PDCD11: variants seen among roughly 807,000 people sequenced by gnomAD.
PDCD11 encodes the protein programmed cell death 11, also known as protein RRP5 homolog.
Under a neutral mutation model 198.9 loss-of-function variants are expected in PDCD11, and 97 were observed. That is an observed-to-expected ratio of 0.49 (90% confidence interval 0.41 to 0.58). The LOEUF is 0.58. Among genes scored for constraint, PDCD11 ranks in the 20% least tolerant of loss-of-function variants. PDCD11 has a pLI of 0.00. For missense variants in PDCD11, 2,102 were observed against 2,312.7 expected (o/e 0.91, Z 1.87); for synonymous variants, 893 against 918.0 (o/e 0.97, Z 0.49).
At chr10:103,403,020 C>A in intron 3 of PDCD11, 98 bp from the exon 4 acceptor site, 1 of 1,158,754 alleles carries the variant, frequency 8.6e-7, no homozygotes, top group Non-Finnish European at 1.3e-6. Context: ...CTGTGCTTGG[C>A]CTTATAGCTT....
In PDCD11 at chr10:103,430,045, C is replaced by T. The variant is rs9420892; in HGVS notation, c.3369-2084C>T. On this transcript the variant is annotated intron_variant, in intron 21 of 35. Transcript: ENST00000369797. Reference sequence around the variant, plus strand: ...TTGCTCTGTCACCCAGGCTGGAGTGCAGTGGCGTGATCATGGCTGACTACA... The same window carrying T: ...TTGCTCTGTCACCCAGGCTGGAGTGTAGTGGCGTGATCATGGCTGACTACA... 1.8e-3 allele frequency among the ~76,000 whole-genome samples: 268 copies of T among 152,234 alleles called. 1 individual carries two copies. The highest frequency in any genetic ancestry group is 6.1e-3 in the African/African-American group (253 of 41,550).
chr10:103,445,550 T>C lies in PDCD11; in HGVS notation c.*1T>C, dbSNP rs775269917. On this transcript the variant is annotated 3_prime_UTR_variant, in exon 36 of 36. Transcript: ENST00000369797. ...CAAGAGCTCAGTGCTAGAGGACTAGTGGCAGGCTGGCTCTGTGGGACACTG... is the reference window on the plus strand; with the variant it reads ...CAAGAGCTCAGTGCTAGAGGACTAGCGGCAGGCTGGCTCTGTGGGACACTG... 6.2e-7 allele frequency: 1 copy of C among 1,612,572 alleles called. No homozygotes were observed. The highest frequency in any genetic ancestry group is 1.1e-5 in the South Asian group (1 of 91,002).
Position 103,419,633 on chromosome 10 carries a change from T to C in PDCD11, c.2202T>C (p.Gly734=), listed in dbSNP as rs1430884268. The change falls in exon 16 of 36, where the codon GGT becomes GGC. Residue 734 remains glycine (G), a synonymous_variant. Coordinates refer to ENST00000369797, the MANE Select transcript of PDCD11 (RefSeq NM_014976.2). Reference sequence around the variant, plus strand: ...TCCATCCTGGAATGCTGCTCATTGGTTTTGTGAAGAGCATCAAGGACTATG... The same window carrying C: ...TCCATCCTGGAATGCTGCTCATTGGCTTTGTGAAGAGCATCAAGGACTATG... ...SEIHPGMLLI[G]FVKSIKDYGV... 6.2e-7 allele frequency: 1 copy of C among 1,613,918 alleles called. No individual in the cohort carries two copies. The highest frequency in any genetic ancestry group is 8.5e-7 in the Non-Finnish European group (1 of 1,179,998).
In PDCD11 at chr10:103,434,408, G is replaced by A. The variant is rs2032064940; in HGVS notation, c.3667+58G>A. 8 of 1,119,596 alleles carry A rather than the reference G, an allele frequency of 7.1e-6. No individual in the cohort carries two copies. The South Asian group carries it at 7.5e-5, about 10-fold the overall frequency. The allele number at this position is 1,119,596 out of a possible 1,614,324, so 69.4% of individuals were successfully genotyped here. The stretch of plus-strand genomic sequence containing the variant: ...GGGGAGCGGCAGGAAGGGGTGGGAT[G>A]GGTTTTCAGCTATTGCTTGAGTTGG... On this transcript the variant is annotated intron_variant, in intron 24 of 35. Transcript: ENST00000369797.
chr10:103,437,563 C>T (rs1327749320), intron 25 of PDCD11, among the ~76,000 whole-genome samples: 1 of 152,178 alleles, frequency 6.6e-6, no homozygotes, highest in African/African-American at 2.4e-5. Flanking sequence ...TCTCGGCTCA[C>T]TGCAACCTCT....
In PDCD11 at chr10:103,416,593, C is replaced by A; in HGVS notation, c.1621C>A (p.Pro541Thr). Reference sequence around the variant, plus strand: ...CATTACCTGCTATGCCGATGCCAAGCCTGGTCTGCAGACACATGGCTTCAT... The same window carrying A: ...CATTACCTGCTATGCCGATGCCAAGACTGGTCTGCAGACACATGGCTTCAT... ...PVITCYADAK[P>T]GLQTHGFIIR... The change falls in exon 13 of 36, where the codon CCT (proline) becomes ACT (threonine). Residue 541 changes from proline (P) to threonine (T), a missense_variant. Physicochemically the swap from Pro to Thr is conservative, Grantham distance 38 (BLOSUM62 -1). Transcript: ENST00000369797. 1.2e-6 allele frequency: 2 copies of A among 1,614,180 alleles called. No homozygotes were observed. The highest frequency in any genetic ancestry group is 1.7e-6 in the Non-Finnish European group (2 of 1,180,036).
intron 8 of PDCD11, among the ~76,000 whole-genome samples, chr10:103,412,829 C>T (rs552226048): frequency 2.0e-5 from 3 of 152,228 alleles, no homozygotes; most frequent in Non-Finnish European, 4.4e-5. Flanking sequence ...AACTCCTGAG[C>T]TCAAGTGATC....
rs2032053540 is a variant in PDCD11, at chr10:103,434,242, T to C, written c.3565-6T>C. The C allele has an allele frequency of 1.2e-5, 19 of 1,602,480 alleles. No individual in the cohort carries two copies. The highest frequency in any genetic ancestry group is 1.5e-5 in the Non-Finnish European group (18 of 1,169,418). On this transcript the variant is annotated splice_region_variant and splice_polypyrimidine_tract_variant and intron_variant, in intron 23 of 35. Transcript: ENST00000369797. ...AAGCATCACAGGAGTTTTTTTATCC[T>C]TCCAGGTTCTGAAGCATCCAGATAA... is the stretch of plus-strand genomic sequence containing the variant.
In PDCD11 at chr10:103,413,272, A is replaced by G; in HGVS notation, c.1135A>G (p.Lys379Glu). Reference protein sequence around the residue: ...DDVPVQGFFKKAGATFRLKDG... With the variant: ...DDVPVQGFFKEAGATFRLKDG... ...TGTTCCTGTCCAGGGTTTTTTCAAAAAGGCTGGGGCCACCTTTAGGCTGAA... is the reference window on the plus strand; with the variant it reads ...TGTTCCTGTCCAGGGTTTTTTCAAAGAGGCTGGGGCCACCTTTAGGCTGAA... Residue 379 changes from lysine (K) to glutamate (E), a missense_variant, in exon 9 of 36, where the codon AAG (lysine) becomes GAG (glutamate). By Grantham distance (56) the Lys-to-Glu change is moderately conservative (BLOSUM62 1). Transcript: ENST00000369797. 1 of 1,614,098 alleles carries G rather than the reference A, an allele frequency of 6.2e-7. No homozygotes were observed. The highest frequency in any genetic ancestry group is 8.5e-7 in the Non-Finnish European group (1 of 1,179,994).
chr10:103,406,534 T>G (rs1263103102), intron 6 of PDCD11, 75 bp from the exon 7 acceptor site: 1 of 1,354,148 alleles, frequency 7.4e-7, no homozygotes, highest in Non-Finnish European at 1.0e-6. Context: ...TCTTTTCAGG[T>G]ATTACTTGGG....
intron 20 of PDCD11, 119 bp from the exon 21 acceptor site, chr10:103,427,210 A>G: frequency 1.2e-6 from 1 of 819,984 alleles, no homozygotes; most frequent in Admixed American, 1.8e-5. Flanking sequence ...TGGTGGTGTG[A>G]CAGTGGAACA....
intron 28 of PDCD11, 110 bp from the exon 29 acceptor site, chr10:103,440,180 G>T: frequency 2.7e-6 from 4 of 1,465,416 alleles, no homozygotes; most frequent in African/African-American, 2.8e-5. Flanking sequence ...CAAGGCAGAT[G>T]GGGGCAGGGC....
intron 14 of PDCD11, 51 bp downstream of exon 14, chr10:103,417,983 A>T: frequency 6.3e-7 from 1 of 1,595,294 alleles, no homozygotes; most frequent in Non-Finnish European, 8.6e-7. Context: ...GGCAGAGAGC[A>T]GGGAACCACT....
chr10:103,428,979 A>G, intron 21 of PDCD11, among the ~76,000 whole-genome samples: 1 of 152,240 alleles, frequency 6.6e-6, no homozygotes, highest in South Asian at 2.1e-4. Context: ...CTTGAGAAAC[A>G]TAGTGATATT....
intron 13 of PDCD11, 35 bp from the exon 14 acceptor site, chr10:103,417,757 G>A (rs1229423711): frequency 1.2e-6 from 2 of 1,606,720 alleles, no homozygotes. Context: ...GGCTTGCTGG[G>A]AGGAGTTGGC....
chr10:103,437,876 C>T, intron 25 of PDCD11, 139 bp from the exon 26 acceptor site: 1 of 678,422 alleles, frequency 1.5e-6, no homozygotes, highest in African/African-American at 1.8e-5. Flanking sequence ...AGGTTTTCAA[C>T]AGAATGAAGA....
At chr10:103,412,860 A>C (rs2030883692) in intron 8 of PDCD11, among the ~76,000 whole-genome samples, 1 of 152,232 alleles carries the variant, frequency 6.6e-6, no homozygotes, top group African/African-American at 2.4e-5. Flanking sequence ...GGTGTCCCAA[A>C]GTGCTGGGAT....
At chr10:103,423,267 A>G in intron 18 of PDCD11, 130 bp downstream of exon 18, 5 of 929,690 alleles carry the variant, frequency 5.4e-6, no homozygotes, top group Non-Finnish European at 6.2e-6. Context: ...TGGCATGCCT[A>G]TCTTGTGTGA....
chr10:103,445,684 C>T lies in PDCD11; in HGVS notation c.*135C>T. 1.5e-6 allele frequency: 1 copy of T among 658,544 alleles called. No homozygotes were observed. Among genetic ancestry groups the T allele is most frequent in the South Asian group, 2.3e-5 (1 of 42,816 alleles). 40.8% of individuals were successfully genotyped at this position (658,544 alleles called of 1,614,324 possible). A position where few individuals can be genotyped will look rare whatever the true frequency, so the allele number is the denominator to read the frequency against. On this transcript the variant is annotated 3_prime_UTR_variant, in exon 36 of 36. Transcript: ENST00000369797. ...TTTTCTGCAGCACGCTTGGGGAAAT[C>T]CTGTCAGGATGAAAAGGAAGTTGAG...
Sources: gnomAD v4.1 joint callset for allele counts (sites outside exome capture counted in the v4.1 genomes callset) on GRCh38, gnomAD v4.1.1 for gene constraint, MANE v1.5 for transcripts, NCBI Gene and HGNC (gene_info 2026-07-23, HGNC 2026-07-21) for gene names.